Variants in KLF12 observed in about 807,000 individuals in gnomAD.
KLF12 encodes KLF transcription factor 12, also known as Krueppel-like factor 12.
KLF12 carries 9 observed loss-of-function variants against 37.8 expected under a neutral mutation model. That is an observed-to-expected ratio of 0.24 (90% CI 0.14 to 0.42). The LOEUF (loss-of-function observed/expected upper bound fraction) is 0.42. KLF12 is among the 10% of genes least tolerant of loss of function. The pLI is 1.00. For synonymous variants in KLF12, 208 were observed against 202.1 expected (o/e 1.03, Z -0.25); for missense variants, 411 against 516.0 (o/e 0.80, Z 1.97).
At chr13:73,864,438 A>G (rs1886075531) in intron 3 of KLF12, among the ~76,000 whole-genome samples, 1 of 152,078 alleles carries the variant, frequency 6.6e-6, no homozygotes, top group African/African-American at 2.4e-5. Context: ...TGAGTTCTCT[A>G]GGGAAAAAAC....
At chr13:74,167,710 T>C in the KLF12 span, among the ~76,000 whole-genome samples, 1 of 152,228 alleles carries the variant, frequency 6.6e-6, no homozygotes, top group African/African-American at 2.4e-5. Context: ...AATTTAATCC[T>C]CTGCTGAATT....
chr13:74,042,710 A>G (rs904294145), intron 1 of KLF12, among the ~76,000 whole-genome samples: 1 of 152,240 alleles, frequency 6.6e-6, no homozygotes, highest in Admixed American at 6.5e-5. Context: ...ATAATTCAGC[A>G]GGTCTTCATA....
At chr13:74,205,186 T>G in the KLF12 span, among the ~76,000 whole-genome samples, 2 of 152,132 alleles carry the variant, frequency 1.3e-5, no homozygotes, top group African/African-American at 4.8e-5. Flanking sequence ...CATAGACTGA[T>G]AGCAAATTTG....
intron 7 of KLF12, among the ~76,000 whole-genome samples, chr13:73,710,076 G>T (rs1282343897): frequency 2.0e-5 from 3 of 152,102 alleles, no homozygotes; most frequent in Non-Finnish European, 4.4e-5. Flanking sequence ...TGCAACCTCA[G>T]AATAATGATT....
At chr13:73,857,365 T>C (rs1024843177) in intron 3 of KLF12, among the ~76,000 whole-genome samples, 5 of 152,106 alleles carry the variant, frequency 3.3e-5, no homozygotes, top group African/African-American at 1.2e-4. Flanking sequence ...ACACAGAAAA[T>C]GATGTTGAAA....
chr13:73,856,998 A>G (rs763606861), intron 3 of KLF12, among the ~76,000 whole-genome samples: 5 of 152,134 alleles, frequency 3.3e-5, no homozygotes, highest in Non-Finnish European at 5.9e-5. Flanking sequence ...AAAAAATAAA[A>G]TAAGATAAAA....
At chr13:73,813,055 T>C in intron 5 of KLF12, 97 bp downstream of exon 5, 1 of 1,338,052 alleles carries the variant, frequency 7.5e-7, no homozygotes, top group Non-Finnish European at 1.0e-6. Context: ...AGTTCACAGC[T>C]AGAATGACAT....
intron 1 of KLF12, among the ~76,000 whole-genome samples, chr13:74,130,041 A>G (rs1878175694): frequency 6.6e-6 from 1 of 152,238 alleles, no homozygotes; most frequent in African/African-American, 2.4e-5. Context: ...CAGGTCTAAC[A>G]GAGCCTAAGA....
chr13:73,914,867 T>C (rs541344894), intron 3 of KLF12, among the ~76,000 whole-genome samples: 4 of 152,310 alleles, frequency 2.6e-5, no homozygotes, highest in African/African-American at 7.2e-5. Context: ...TTTGCTTTCA[T>C]TGAAGAATTC....
chr13:74,092,125 TA>T (rs1319572557), intron 1 of KLF12, among the ~76,000 whole-genome samples: 2 of 150,326 alleles, frequency 1.3e-5, no homozygotes, highest in Non-Finnish European at 3.0e-5. Context: ...CCGTCTCTAC[TA>T]AAAATACCAA....
chr13:73,736,292 G>A (rs1877461264), intron 6 of KLF12, among the ~76,000 whole-genome samples: 2 of 152,142 alleles, frequency 1.3e-5, no homozygotes, highest in Non-Finnish European at 2.9e-5. Context: ...TTTCATAGAT[G>A]AATGACATTA....
chr13:73,885,956 T>C (rs1043399172), intron 3 of KLF12, among the ~76,000 whole-genome samples: 5 of 152,182 alleles, frequency 3.3e-5, no homozygotes, highest in African/African-American at 1.2e-4. Context: ...TCCTATGATT[T>C]TGGCTTACAA....
At position 73,727,702 on chromosome 13, in the gene KLF12, CT is replaced by C. The variant is rs4053530; in HGVS notation, c.870-12178del. The stretch of plus-strand genomic sequence containing the variant: ...TAAGAATCATCTCATCAATTTCTTT[CT>C]TTTTTTTTTTTTGAGATGGAGTCTC... On this transcript the variant is annotated intron_variant, in intron 6 of 7. Coordinates refer to ENST00000377669, the MANE Select transcript of KLF12 (RefSeq NM_007249.5). Among the ~76,000 whole-genome samples the C allele has an allele frequency of 4.7e-3, 686 of 144,900 alleles. 6 individuals carry two copies. The highest frequency in any genetic ancestry group is 4.2e-3 in the Non-Finnish European group (273 of 65,580).
chr13:74,102,397 A>G (rs73531245), intron 1 of KLF12, among the ~76,000 whole-genome samples: 3,340 of 151,790 alleles, frequency 0.022, 128 homozygotes, highest in African/African-American at 0.073. Flanking sequence ...GAAACAGATG[A>G]TCAAAAATTA....
rs977888071 is a variant in KLF12 at position 73,700,931 on chromosome 13, A to G, written c.1028-5260T>C. On this transcript the variant is annotated intron_variant, in intron 7 of 7. Transcript: ENST00000377669. ...CATTAAGACAGCAGAAACTAACTTC[A>G]TGATGAGAGTAAAAAAACTAATTAG... Among the ~76,000 whole-genome samples, 3 of 152,230 alleles carry G rather than the reference A, an allele frequency of 2.0e-5. No homozygotes were observed. In the East Asian group the frequency reaches 5.8e-4, roughly 29 times the overall value.
intron 2 of KLF12, among the ~76,000 whole-genome samples, chr13:73,977,388 A>G (rs762292429): frequency 4.6e-5 from 7 of 152,166 alleles, no homozygotes; most frequent in Non-Finnish European, 7.3e-5. Context: ...CATTTACAAA[A>G]ATTACCCTTG....
chr13:73,849,013 T>A (rs552711052), intron 3 of KLF12, among the ~76,000 whole-genome samples: 1 of 152,164 alleles, frequency 6.6e-6, no homozygotes, highest in African/African-American at 2.4e-5. Flanking sequence ...TAATCTCTTA[T>A]GCAATGATTA....
At chr13:73,802,306 C>A (rs1415958809) in intron 5 of KLF12, 1 of 152,026 alleles carries the variant, frequency 6.6e-6, no homozygotes, top group African/African-American at 2.4e-5. Flanking sequence ...GAAAAAAGTA[C>A]TTAATGGCTG....
chr13:74,068,218 C>CA (rs1355378538), intron 1 of KLF12, among the ~76,000 whole-genome samples: 1 of 152,186 alleles, frequency 6.6e-6, no homozygotes, highest in Non-Finnish European at 1.5e-5. Flanking sequence ...GGATGAAATG[C>CA]AGCACAGTGT....
Sources: allele counts gnomAD v4.1 joint callset (sites outside exome capture counted in the v4.1 genomes callset), GRCh38; gene constraint gnomAD v4.1.1; transcripts MANE v1.5; gene names NCBI Gene and HGNC (gene_info 2026-07-23, HGNC 2026-07-21).